The following NALCN variants were observed in gnomAD, a reference collection of about 807,000 sequenced individuals.
The protein encoded by NALCN is sodium leak channel, non-selective, also known as sodium leak channel NALCN.
Under a neutral mutation model 225.3 loss-of-function variants are expected in NALCN, and 111 were observed. That is an observed-to-expected ratio of 0.49 (90% CI 0.42 to 0.58). NALCN has a LOEUF of 0.58. NALCN is among the 20% of genes least tolerant of loss of function. The probability of loss-of-function intolerance (pLI) is 0.00; values close to 1 mark genes in which losing one functional copy is unlikely to be tolerated. For synonymous variants in NALCN, 764 were observed against 769.0 expected (o/e 0.99, Z 0.11); for missense variants, 1,378 against 2,202.4 (o/e 0.63, Z 7.49).
chr13:101,243,877 C>A (rs544775419), intron 11 of NALCN, among the ~76,000 whole-genome samples: 1 of 105,120 alleles, frequency 9.5e-6, no homozygotes, highest in Non-Finnish European at 2.1e-5. Context: ...AGGCTCTCTG[C>A]CCTGAGCAGT....
At chr13:101,290,628 T>C (rs980685479) in intron 9 of NALCN, among the ~76,000 whole-genome samples, 5 of 152,214 alleles carry the variant, frequency 3.3e-5, no homozygotes, top group African/African-American at 1.2e-4. Context: ...TATAATGAAT[T>C]GACTGGACAA....
intron 7 of NALCN, among the ~76,000 whole-genome samples, chr13:101,334,364 A>AGGGG (rs60502054): frequency 7.4e-6 from 1 of 134,364 alleles, no homozygotes; most frequent in Admixed American, 7.5e-5. Context: ...AGATGGGGGT[A>AGGGG]GGGGGAGCGG....
chr13:101,334,755 C>T (rs1243909644), intron 7 of NALCN, among the ~76,000 whole-genome samples: 1 of 152,016 alleles, frequency 6.6e-6, no homozygotes, highest in East Asian at 1.9e-4. Context: ...TGTATATATG[C>T]CTGTATTCAA....
intron 1 of NALCN, among the ~76,000 whole-genome samples, chr13:101,404,111 T>C (rs2047552709): frequency 6.6e-6 from 1 of 152,116 alleles, no homozygotes. Flanking sequence ...AAAGGCAGAG[T>C]AGCTGATTAA....
intron 6 of NALCN, among the ~76,000 whole-genome samples, chr13:101,355,736 C>G (rs2139341268): frequency 6.6e-6 from 1 of 152,320 alleles, no homozygotes; most frequent in South Asian, 2.1e-4. Context: ...CCCAAATCAA[C>G]AGAATATACA....
chr13:101,312,324 T>G (rs1043201473), intron 7 of NALCN, among the ~76,000 whole-genome samples: 11 of 152,224 alleles, frequency 7.2e-5, no homozygotes, highest in African/African-American at 2.4e-4. Flanking sequence ...CCTGGATTCA[T>G]TAATTTTTTG....
intron 11 of NALCN, among the ~76,000 whole-genome samples, chr13:101,238,344 T>C (rs992183172): frequency 9.2e-5 from 14 of 151,916 alleles, no homozygotes; most frequent in African/African-American, 3.1e-4. Flanking sequence ...TAAACTAAAA[T>C]TTAAAAGTTA....
rs1485042901 is a variant in NALCN, at chr13:101,104,276, G to A, written c.2889+19C>T. 12 of 1,576,632 alleles carry A rather than the reference G, an allele frequency of 7.6e-6. No individual in the cohort carries two copies. Among genetic ancestry groups the A allele is most frequent in the East Asian group, 2.2e-5 (1 of 44,634 alleles). On this transcript the variant is annotated intron_variant, in intron 25 of 43. Transcript: ENST00000251127. This position sits in a 1 kb window ranked among gnomAD's most constrained non-coding sequence, Gnocchi z 4.2. ...CAAAACCATTACATTTTTCATTTAGGCAATAAGCAAAGACTTACAAGATAT... is the reference window on the plus strand; with the variant it reads ...CAAAACCATTACATTTTTCATTTAGACAATAAGCAAAGACTTACAAGATAT...
At chr13:101,083,402 A>T (rs774698513) in intron 31 of NALCN, among the ~76,000 whole-genome samples, 1 of 152,190 alleles carries the variant, frequency 6.6e-6, no homozygotes, top group Non-Finnish European at 1.5e-5. Flanking sequence ...TTGGAAGGAG[A>T]AGTGCATCAT....
intron 3 of NALCN, among the ~76,000 whole-genome samples, chr13:101,388,530 C>T (rs975070367): frequency 1.3e-5 from 2 of 152,098 alleles, no homozygotes; most frequent in African/African-American, 2.4e-5. Context: ...ACGATTTGGT[C>T]CTAAGTCATT....
chr13:101,085,675 C>CAA (rs965238930), intron 30 of NALCN, among the ~76,000 whole-genome samples: 33 of 152,198 alleles, frequency 2.2e-4, no homozygotes, highest in African/African-American at 7.5e-4. Context: ...TAAATATGTA[C>CAA]AATTATGCGC....
chr13:101,133,314 TGGGAAAAA>T (rs905581547), intron 17 of NALCN, among the ~76,000 whole-genome samples: 1 of 152,204 alleles, frequency 6.6e-6, no homozygotes, highest in Non-Finnish European at 1.5e-5. Context: ...TGTTTCTAAC[TGGGAAAAA>T]GTTTGAGTGG....
At chr13:101,244,569 C>T (rs1364741824) in intron 11 of NALCN, among the ~76,000 whole-genome samples, 1 of 152,134 alleles carries the variant, frequency 6.6e-6, no homozygotes, top group South Asian at 2.1e-4. Context: ...TTAACTTTTA[C>T]AAGCCAACAC....
At chr13:101,140,729 A>G (rs528427161) in intron 17 of NALCN, among the ~76,000 whole-genome samples, 9 of 152,338 alleles carry the variant, frequency 5.9e-5, no homozygotes, top group Non-Finnish European at 1.3e-4. Context: ...TGAGTGGATT[A>G]TAACTGTGAA....
At chr13:101,116,625 A>G in intron 18 of NALCN, 1 of 471,634 alleles carries the variant, frequency 2.1e-6, no homozygotes, top group Non-Finnish European at 4.1e-6. Flanking sequence ...ATGAGTCTTC[A>G]AATTATTTTC....
At chr13:101,301,682 C>T (rs1453411906) in intron 7 of NALCN, among the ~76,000 whole-genome samples, 1 of 151,624 alleles carries the variant, frequency 6.6e-6, no homozygotes, top group East Asian at 1.9e-4. Context: ...GATCACACCA[C>T]CGCACTCCAG....
intron 11 of NALCN, among the ~76,000 whole-genome samples, chr13:101,238,764 T>A (rs1483950602): frequency 6.6e-6 from 1 of 151,958 alleles, no homozygotes; most frequent in Non-Finnish European, 1.5e-5. Context: ...CATGATTTAT[T>A]GAAGATAGGA....
rs147214344 is a variant in NALCN, at chr13:101,256,845, C to T, written c.1266+1598G>A. On this transcript the variant is annotated intron_variant, in intron 11 of 43. Transcript: ENST00000251127. ...GTGGTGCGCTCTTGGCTCACTGCAA[C>T]CTCCGCCTCCCAGGTTCAAGTGATT... 3.7e-3 allele frequency among the ~76,000 whole-genome samples: 546 copies of T among 148,592 alleles called. 4 individuals are homozygous for T. Among genetic ancestry groups the T allele is most frequent in the African/African-American group, 0.013 (533 of 40,630 alleles).
chr13:101,372,856 C>G (rs2046579336), intron 6 of NALCN, among the ~76,000 whole-genome samples: 1 of 151,638 alleles, frequency 6.6e-6, no homozygotes. Flanking sequence ...ACATGAAAAA[C>G]AGACTAACAA....
Sources: gnomAD v4.1 joint callset for allele counts (sites outside exome capture counted in the v4.1 genomes callset) on GRCh38, gnomAD v4.1.1 for gene constraint, Gnocchi (gnomAD v3.1) non-coding constraint, MANE v1.5 for transcripts, NCBI Gene and HGNC (gene_info 2026-07-23, HGNC 2026-07-21) for gene names.